AFG1L: variants seen among roughly 807,000 people sequenced by gnomAD.
AFG1L encodes AFG1-like ATPase.
Under a neutral mutation model 62.2 loss-of-function variants are expected in AFG1L, and 53 were observed. That is an observed-to-expected ratio of 0.85 (90% CI 0.68 to 1.07). The LOEUF is 1.07. Ranked by LOEUF, AFG1L falls within the 50% of genes least tolerant of loss-of-function variation. The pLI, the probability that AFG1L is intolerant of heterozygous loss-of-function variation, is 0.00. For synonymous variants in AFG1L, 228 were observed against 210.3 expected (o/e 1.08, Z -0.73); for missense variants, 555 against 590.5 (o/e 0.94, Z 0.62).
chr6:108,404,003 A>G (rs1336239), intron 7 of AFG1L, among the ~76,000 whole-genome samples: 100,976 of 152,024 alleles, frequency 0.66, 35,564 homozygotes, highest in African/African-American at 0.92. Flanking sequence ...GGTCTAAAAT[A>G]TCTAATTTAT....
chr6:108,330,569 T>C (rs552102201), intron 2 of AFG1L, among the ~76,000 whole-genome samples: 4 of 152,318 alleles, frequency 2.6e-5, no homozygotes, highest in African/African-American at 9.6e-5. Flanking sequence ...ACCTTGACAT[T>C]GTTGAAAGAA....
At chr6:108,423,789 G>A (rs1326192258) in intron 7 of AFG1L, among the ~76,000 whole-genome samples, 1 of 151,942 alleles carries the variant, frequency 6.6e-6, no homozygotes, top group Non-Finnish European at 1.5e-5. Context: ...TATACAATTT[G>A]AACACTAACT....
chr6:108,488,988 A>G (rs1401068307), intron 10 of AFG1L, among the ~76,000 whole-genome samples: 5 of 152,200 alleles, frequency 3.3e-5, no homozygotes, highest in Admixed American at 2.0e-4. Flanking sequence ...CACCTCTGCA[A>G]ACTCTGGACA....
chr6:108,430,643 A>G (rs1352709444), intron 7 of AFG1L, among the ~76,000 whole-genome samples: 2 of 152,218 alleles, frequency 1.3e-5, no homozygotes, highest in African/African-American at 4.8e-5. Context: ...GCCTGTCTTT[A>G]AAGAATCTTA....
At chr6:108,510,470 C>A in intron 11 of AFG1L, 118 bp downstream of exon 11, 1 of 729,366 alleles carries the variant, frequency 1.4e-6, no homozygotes, top group Non-Finnish European at 2.2e-6. Context: ...TTTGTGCCTC[C>A]ATTCCCTCAT....
rs1314480169 is a variant in AFG1L at position 108,389,932 on chromosome 6, T to G, written c.749-12064T>G. On this transcript the variant is annotated intron_variant, in intron 6 of 12. Coordinates refer to ENST00000368977, the MANE Select transcript of AFG1L (RefSeq NM_145315.5). ...GAATTTGAATGTTGACCTGCCTCGCTAGGTTGGGGAAGTTCTCCTGGATAA... is the reference window on the plus strand; with the variant it reads ...GAATTTGAATGTTGACCTGCCTCGCGAGGTTGGGGAAGTTCTCCTGGATAA... Among the ~76,000 whole-genome samples the G allele has an allele frequency of 2.0e-5, 3 of 152,370 alleles. No homozygotes were observed. In the South Asian group the frequency reaches 6.2e-4, roughly 32 times the overall value.
At chr6:108,427,937 C>T in intron 7 of AFG1L, among the ~76,000 whole-genome samples, 1 of 152,206 alleles carries the variant, frequency 6.6e-6, no homozygotes, top group African/African-American at 2.4e-5. Context: ...AAATACATTT[C>T]TAAAAAGTTA....
At chr6:108,463,473 G>A (rs1772546281) in intron 8 of AFG1L, among the ~76,000 whole-genome samples, 1 of 149,054 alleles carries the variant, frequency 6.7e-6, no homozygotes, top group Non-Finnish European at 1.5e-5. Context: ...TTAAAAAGAA[G>A]TATTTTTATA....
intron 10 of AFG1L, among the ~76,000 whole-genome samples, chr6:108,484,927 GA>G (rs1412763215): frequency 2.0e-5 from 3 of 151,932 alleles, no homozygotes; most frequent in African/African-American, 2.4e-5. Context: ...AAAAGTTGTT[GA>G]TTTTTTTTTA....
chr6:108,513,170 A>G (rs1774727796), intron 11 of AFG1L, among the ~76,000 whole-genome samples: 1 of 152,230 alleles, frequency 6.6e-6, no homozygotes, highest in East Asian at 1.9e-4. Flanking sequence ...GCTCCAGTCT[A>G]CAGCTCCCAG....
intron 7 of AFG1L, among the ~76,000 whole-genome samples, chr6:108,415,045 C>T (rs895950545): frequency 6.6e-6 from 1 of 152,186 alleles, no homozygotes; most frequent in Non-Finnish European, 1.5e-5. Context: ...CCAAAATCTC[C>T]TTAAGCTGAT....
chr6:108,355,622 A>T, intron 3 of AFG1L, 32 bp from the exon 4 acceptor site: 1 of 1,132,746 alleles, frequency 8.8e-7, no homozygotes, highest in Non-Finnish European at 1.3e-6. Context: ...ATACTATTTA[A>T]TAGTATTCTT....
At chr6:108,399,930 C>T (rs1781494804) in intron 6 of AFG1L, among the ~76,000 whole-genome samples, 1 of 151,550 alleles carries the variant, frequency 6.6e-6, no homozygotes. Context: ...AGGCACATGC[C>T]ACCACGCCTG....
chr6:108,408,450 T>C (rs1330068626), intron 7 of AFG1L, among the ~76,000 whole-genome samples: 1 of 152,224 alleles, frequency 6.6e-6, no homozygotes, highest in Non-Finnish European at 1.5e-5. Flanking sequence ...ATCTGGAGCT[T>C]TTCTTTTGCA....
chr6:108,376,540 G>A (rs1447362926), intron 6 of AFG1L, among the ~76,000 whole-genome samples: 1 of 152,014 alleles, frequency 6.6e-6, no homozygotes, highest in Non-Finnish European at 1.5e-5. Context: ...TCATTCAGGA[G>A]CAAGTTGTTT....
At chr6:108,521,965 C>G (rs1775142181) in intron 12 of AFG1L, 1 of 192,916 alleles carries the variant, frequency 5.2e-6, no homozygotes, top group South Asian at 8.5e-5. Flanking sequence ...CCCTTAGGCA[C>G]TGGGACCCTG....
intron 7 of AFG1L, among the ~76,000 whole-genome samples, chr6:108,416,452 C>T (rs1172403158): frequency 2.0e-5 from 3 of 152,220 alleles, no homozygotes; most frequent in African/African-American, 7.2e-5. Context: ...ATAAATCATG[C>T]TGCTATAAAG....
intron 5 of AFG1L, among the ~76,000 whole-genome samples, chr6:108,365,789 G>A (rs1050610882): frequency 6.6e-6 from 1 of 151,848 alleles, no homozygotes; most frequent in African/African-American, 2.4e-5. Context: ...ACCTTTCCAG[G>A]GACCTTTGCC....
In AFG1L at chr6:108,522,405, G is replaced by A. The variant is rs1775159687; in HGVS notation, c.1426G>A (p.Gly476Arg). 2 of 1,611,484 alleles carry A rather than the reference G, an allele frequency of 1.2e-6. No individual in the cohort carries two copies. Among genetic ancestry groups the A allele is most frequent in the African/African-American group, 1.3e-5 (1 of 74,900 alleles). ...GCAGACTGAACAGTACTGGAATGAA[G>A]GAGACAGAACCAAGAAGTAACTGCC... ...EMQTEQYWNE[G>R]DRTKK Residue 476 changes from glycine (G) to arginine (R), a missense_variant, in exon 13 of 13, where the codon GGA becomes AGA. Transcript: ENST00000368977.
Sources: gnomAD v4.1 joint callset for allele counts (sites outside exome capture counted in the v4.1 genomes callset) on GRCh38, gnomAD v4.1.1 for gene constraint, MANE v1.5 for transcripts, NCBI Gene and HGNC (gene_info 2026-07-23, HGNC 2026-07-21) for gene names.